RARB: variants seen among roughly 807,000 people sequenced by gnomAD.
The protein encoded by RARB is retinoic acid receptor beta.
A neutral mutation model predicts 51.9 loss-of-function variants in RARB; 17 were observed. The observed-to-expected ratio is 0.33, with a 90% CI of 0.22 to 0.49. The LOEUF (loss-of-function observed/expected upper bound fraction) is 0.49. RARB is among the 20% of genes least tolerant of loss of function. RARB has a pLI of 0.99. For missense variants in RARB, 369 were observed against 550.8 expected, an observed-to-expected ratio of 0.67 and a Z score of 3.30; for synonymous variants, 215 against 195.4, an observed-to-expected ratio of 1.10 and a Z score of -0.84.
rs79988241 is a variant in RARB at position 25,553,649 on chromosome 3, C to G, written c.449-16109C>G. Among the ~76,000 whole-genome samples, 1,167 of 152,262 alleles carry G rather than the reference C, an allele frequency of 7.7e-3. 7 individuals are homozygous for G. Among genetic ancestry groups the G allele is most frequent in the Non-Finnish European group, 0.012 (806 of 68,020 alleles). ...GACACTCCCTTGGCCTTGATAACAT[C>G]TGCCCTCCAAAGGCATTTGGCGTGC... is the stretch of plus-strand genomic sequence containing the variant. On this transcript the variant is annotated intron_variant, in intron 3 of 7. Coordinates refer to ENST00000330688, the MANE Select transcript of RARB (RefSeq NM_000965.5).
intron 1 of RARB, among the ~76,000 whole-genome samples, chr3:25,449,858 T>A (rs916472437): frequency 5.9e-5 from 9 of 151,886 alleles, no homozygotes; most frequent in African/African-American, 2.2e-4. Flanking sequence ...TTCAAGCAAT[T>A]CTCCTGCCCC....
chr3:24,970,953 T>C (rs1575097971), intron 2 of RARB, among the ~76,000 whole-genome samples: 1 of 152,110 alleles, frequency 6.6e-6, no homozygotes, highest in East Asian at 1.9e-4. Context: ...CAATTGTTCT[T>C]CTCCTTTCAA....
intron 5 of RARB, among the ~76,000 whole-genome samples, chr3:25,183,313 G>T (rs1444072176): frequency 1.3e-5 from 2 of 151,858 alleles, no homozygotes; most frequent in Non-Finnish European, 2.9e-5. Flanking sequence ...TCTTTATCCT[G>T]ACAGCTACAA....
At chr3:24,954,133 A>C (rs1184632981) in intron 2 of RARB, among the ~76,000 whole-genome samples, 1 of 151,926 alleles carries the variant, frequency 6.6e-6, no homozygotes, top group Admixed American at 6.6e-5. Context: ...TTTTATGGGT[A>C]CCTCTGGGAA....
chr3:25,279,824 G>A (rs886490710), intron 5 of RARB, among the ~76,000 whole-genome samples: 3 of 152,052 alleles, frequency 2.0e-5, no homozygotes, highest in Non-Finnish European at 4.4e-5. Context: ...CCAAACTTTG[G>A]TAATATTATA....
At chr3:25,181,869 A>C (rs1432214870) in intron 5 of RARB, among the ~76,000 whole-genome samples, 1 of 152,164 alleles carries the variant, frequency 6.6e-6, no homozygotes, top group Non-Finnish European at 1.5e-5. Flanking sequence ...TCGGTATTCA[A>C]GTCACCAATT....
At chr3:25,351,026 G>A (rs1705553414) in intron 5 of RARB, among the ~76,000 whole-genome samples, 1 of 152,202 alleles carries the variant, frequency 6.6e-6, no homozygotes, top group Non-Finnish European at 1.5e-5. Flanking sequence ...AGAGGTAGGA[G>A]AAACATGAAC....
intron 5 of RARB, among the ~76,000 whole-genome samples, chr3:25,367,767 G>C (rs574648701): frequency 6.9e-6 from 1 of 143,902 alleles, no homozygotes; most frequent in South Asian, 2.2e-4. Flanking sequence ...TCGCACCCCT[G>C]CACTCCAGCC....
chr3:25,342,899 G>C (rs1485536460), intron 5 of RARB, among the ~76,000 whole-genome samples: 1 of 152,114 alleles, frequency 6.6e-6, no homozygotes, highest in Admixed American at 6.6e-5. Context: ...TTGTGATGGA[G>C]CCCAGTGCTG....
chr3:25,250,425 A>G (rs73044296), intron 5 of RARB, among the ~76,000 whole-genome samples: 13,229 of 152,162 alleles, frequency 0.087, 756 homozygotes, highest in Non-Finnish European at 0.13. Flanking sequence ...AGGAGGGCAA[A>G]GTTGTTTTCA....
chr3:25,326,597 C>T (rs536890710), intron 5 of RARB, among the ~76,000 whole-genome samples: 1 of 151,962 alleles, frequency 6.6e-6, no homozygotes, highest in Non-Finnish European at 1.5e-5. Flanking sequence ...CTTAAAAGTC[C>T]AACTGTTTTT....
chr3:25,283,000 C>A (rs542625069), intron 5 of RARB, among the ~76,000 whole-genome samples: 1 of 152,264 alleles, frequency 6.6e-6, no homozygotes, highest in African/African-American at 2.4e-5. Flanking sequence ...TGTAAGAACA[C>A]GGAGGAGCGA....
chr3:25,565,844 C>G (rs965761397), intron 3 of RARB, among the ~76,000 whole-genome samples: 2 of 152,156 alleles, frequency 1.3e-5, no homozygotes, highest in African/African-American at 4.8e-5. Context: ...ATCTGTGTGT[C>G]TCCATGCAGG....
chr3:24,993,030 A>G (rs561167792), intron 2 of RARB, among the ~76,000 whole-genome samples: 1 of 152,210 alleles, frequency 6.6e-6, no homozygotes, highest in East Asian at 1.9e-4. Context: ...TGTTACAGAA[A>G]TAAAAAATAT....
chr3:25,436,149 C>T (rs1390191783), intron 1 of RARB, among the ~76,000 whole-genome samples: 5 of 152,174 alleles, frequency 3.3e-5, no homozygotes, highest in African/African-American at 7.2e-5. Flanking sequence ...ACCTTTCTTT[C>T]GCTCTTGCTG....
chr3:25,203,004 C>G (rs1169912936), intron 5 of RARB, among the ~76,000 whole-genome samples: 1 of 152,184 alleles, frequency 6.6e-6, no homozygotes, highest in African/African-American at 2.4e-5. Flanking sequence ...AACTTTCTGT[C>G]TCATTGATCT....
intron 2 of RARB, among the ~76,000 whole-genome samples, chr3:25,036,680 T>G (rs574692057): frequency 1.3e-3 from 201 of 152,266 alleles, no homozygotes; most frequent in Admixed American, 3.5e-3. Context: ...CTGAGTGTGG[T>G]GCCAACAATC....
At chr3:25,374,018 G>T (rs1706382722) in intron 5 of RARB, among the ~76,000 whole-genome samples, 1 of 152,044 alleles carries the variant, frequency 6.6e-6, no homozygotes, top group Non-Finnish European at 1.5e-5. Context: ...AAAATCCCTA[G>T]GTATATTTCA....
At position 25,428,868 on chromosome 3, in the gene RARB, A is replaced by C. The variant is rs1208331423; in HGVS notation, c.137A>C (p.Gln46Pro). The C allele has an allele frequency of 8.7e-6, 14 of 1,612,856 alleles. No individual in the cohort carries two copies. Among genetic ancestry groups the C allele is most frequent in the Non-Finnish European group, 1.2e-5 (14 of 1,179,016 alleles). The change falls in exon 1 of 8, where the codon CAG (glutamine) becomes CCG (proline). Residue 46 changes from glutamine (Q) to proline (P), a missense_variant. Coordinates refer to ENST00000330688, the MANE Select transcript of RARB (RefSeq NM_000965.5). Reference sequence around the variant, plus strand: ...AGTGGATTGACCCAAACCGAATGGCAGCATCGGCACACTGCTCAATGTAGG... The same window carrying C: ...AGTGGATTGACCCAAACCGAATGGCCGCATCGGCACACTGCTCAATGTAGG... ...CFSGLTQTEW[Q>P]HRHTAQSIET... is the part of the protein sequence containing the mutation.
Sources: allele counts gnomAD v4.1 joint callset (sites outside exome capture counted in the v4.1 genomes callset), GRCh38; gene constraint gnomAD v4.1.1; transcripts MANE v1.5; gene names NCBI Gene and HGNC (gene_info 2026-07-23, HGNC 2026-07-21).